Variants in MALRD1 observed in about 807,000 individuals in gnomAD.
MALRD1 encodes the protein MAM and LDL-receptor class A domain-containing protein 1.
MALRD1 carries 247 observed loss-of-function variants against 242.1 expected under a neutral mutation model. The ratio of observed to expected loss-of-function variants is 1.02; its 90% confidence interval spans 0.92 to 1.13. The LOEUF is 1.13. Ranked by LOEUF, MALRD1 falls within the 50% of genes most tolerant of loss-of-function variation. MALRD1 has a pLI of 0.00. For synonymous variants in MALRD1, 995 were observed against 866.6 expected, an observed-to-expected ratio of 1.15 and a Z score of -2.60; for missense variants, 2,989 against 2,533.1, an observed-to-expected ratio of 1.18 and a Z score of -3.86.
intron 13 of MALRD1, among the ~76,000 whole-genome samples, chr10:19,171,422 T>TTA (rs1554803054): frequency 0.048 from 1,747 of 36,192 alleles, 123 homozygotes; most frequent in African/African-American, 0.12. Context: ...ATTTTATATT[T>TTA]TATATACATA....
At chr10:19,104,767 G>A (rs1208435279) in intron 5 of MALRD1, among the ~76,000 whole-genome samples, 1 of 152,058 alleles carries the variant, frequency 6.6e-6, no homozygotes, top group African/African-American at 2.4e-5. Context: ...TCTGAGTTCA[G>A]TTTGGTACAA....
At chr10:19,405,763 G>A (rs1303944534) in intron 28 of MALRD1, among the ~76,000 whole-genome samples, 1 of 152,040 alleles carries the variant, frequency 6.6e-6, no homozygotes, top group Non-Finnish European at 1.5e-5. Context: ...TCTTTTAAAG[G>A]AGCCACATGT....
chr10:19,560,385 T>C (rs1835910211), intron 32 of MALRD1, among the ~76,000 whole-genome samples: 1 of 152,114 alleles, frequency 6.6e-6, no homozygotes, highest in Non-Finnish European at 1.5e-5. Flanking sequence ...GGAGAATCAC[T>C]TGAACCCAGG....
At chr10:19,144,654 C>A (rs1833668382) in intron 10 of MALRD1, among the ~76,000 whole-genome samples, 1 of 152,118 alleles carries the variant, frequency 6.6e-6, no homozygotes, top group Non-Finnish European at 1.5e-5. Context: ...GTGATGGAGT[C>A]TTTTTAATTA....
intron 31 of MALRD1, among the ~76,000 whole-genome samples, chr10:19,513,755 A>AC (rs1431545461): frequency 6.6e-6 from 1 of 151,860 alleles, no homozygotes; most frequent in African/African-American, 2.4e-5. Context: ...AAAGAAAAAA[A>AC]AAATTATCCA....
At chr10:19,055,970 C>T (rs1218728767) in intron 1 of MALRD1, among the ~76,000 whole-genome samples, 1 of 152,174 alleles carries the variant, frequency 6.6e-6, no homozygotes, top group African/African-American at 2.4e-5. Flanking sequence ...AACAAACTTG[C>T]ACATGTACCC....
intron 26 of MALRD1, among the ~76,000 whole-genome samples, chr10:19,386,803 A>G (rs982309471): frequency 1.3e-5 from 2 of 152,002 alleles, no homozygotes; most frequent in East Asian, 3.9e-4. Flanking sequence ...CTTTTGAGCT[A>G]AGGAAACTAA....
chr10:19,448,439 A>G (rs1441872014), intron 28 of MALRD1, among the ~76,000 whole-genome samples: 1 of 151,960 alleles, frequency 6.6e-6, no homozygotes, highest in African/African-American at 2.4e-5. Context: ...ATATATGTAT[A>G]TTTTTTTCTT....
chr10:19,607,090 C>T (rs1838675741), intron 34 of MALRD1, among the ~76,000 whole-genome samples: 1 of 152,122 alleles, frequency 6.6e-6, no homozygotes, highest in Non-Finnish European at 1.5e-5. Context: ...TTCGAAACAA[C>T]CAAAGTCTTA....
chr10:19,545,959 A>C (rs1013793023), intron 32 of MALRD1, among the ~76,000 whole-genome samples: 1 of 152,234 alleles, frequency 6.6e-6, no homozygotes, highest in African/African-American at 2.4e-5. Context: ...AGAACTGTGA[A>C]TGCTTCCCCC....
intron 34 of MALRD1, among the ~76,000 whole-genome samples, chr10:19,596,576 A>G (rs1385640357): frequency 6.6e-6 from 1 of 151,656 alleles, no homozygotes; most frequent in Non-Finnish European, 1.5e-5. Flanking sequence ...AAAAATAGCA[A>G]TAGTAATAAC....
chr10:19,165,417 C>G (rs932416490), intron 12 of MALRD1, among the ~76,000 whole-genome samples: 1 of 151,508 alleles, frequency 6.6e-6, no homozygotes, highest in Non-Finnish European at 1.5e-5. Flanking sequence ...ATTCTTCTAC[C>G]TCAGCCTTCC....
At position 19,120,346 on chromosome 10, in the gene MALRD1, A is replaced by G. The variant is rs542920563; in HGVS notation, c.695-3146A>G. ...CTGTCCAATATTACTGATATGTCAA[A>G]TATGTTGATGAAAAAAATTAAATAT... On this transcript the variant is annotated intron_variant, in intron 5 of 39. Coordinates refer to ENST00000454679, the MANE Select transcript of MALRD1 (RefSeq NM_001142308.3). Among the ~76,000 whole-genome samples, 8 of 152,320 alleles carry G rather than the reference A, an allele frequency of 5.3e-5. No homozygotes were observed. The South Asian group carries it at 1.7e-3, about 32-fold the overall frequency.
At chr10:19,632,650 C>T (rs1012268452) in intron 36 of MALRD1, among the ~76,000 whole-genome samples, 3 of 152,072 alleles carry the variant, frequency 2.0e-5, no homozygotes, top group Admixed American at 2.0e-4. Flanking sequence ...ATCTATGTTT[C>T]TCCCAACCTT....
chr10:19,113,328 C>T (rs1278052636), intron 5 of MALRD1, among the ~76,000 whole-genome samples: 2 of 152,172 alleles, frequency 1.3e-5, no homozygotes, highest in Admixed American at 6.5e-5. Flanking sequence ...GAATCCCATA[C>T]TCTGGTCAAA....
intron 2 of MALRD1, among the ~76,000 whole-genome samples, chr10:19,072,357 A>G (rs12266212): frequency 0.033 from 5,087 of 152,256 alleles, 264 homozygotes; most frequent in African/African-American, 0.12. Context: ...TACATAAAGC[A>G]TGGCTGTGTT....
intron 36 of MALRD1, among the ~76,000 whole-genome samples, chr10:19,660,463 C>T (rs562417011): frequency 1.3e-5 from 2 of 152,226 alleles, no homozygotes; most frequent in East Asian, 1.9e-4. Context: ...TAATGAGTCA[C>T]TCTGTATGCA....
chr10:19,398,978 G>T (rs558801277), intron 28 of MALRD1, among the ~76,000 whole-genome samples: 49 of 152,330 alleles, frequency 3.2e-4, no homozygotes, highest in African/African-American at 1.2e-3. Flanking sequence ...CATACTGGCT[G>T]CTCGTGAATT....
chr10:19,167,525 A>C (rs78660587), intron 13 of MALRD1, among the ~76,000 whole-genome samples: 242 of 152,330 alleles, frequency 1.6e-3, no homozygotes, highest in African/African-American at 5.5e-3. Context: ...TAGAGAATAC[A>C]TATTTTGGAG....
Sources: allele counts gnomAD v4.1 joint callset (sites outside exome capture counted in the v4.1 genomes callset), GRCh38; gene constraint gnomAD v4.1.1; transcripts MANE v1.5; gene names NCBI Gene and HGNC (gene_info 2026-07-23, HGNC 2026-07-21).